LYRM9: variants seen among roughly 807,000 people sequenced by gnomAD.
LYRM9 encodes LYR motif-containing protein 9.
In LYRM9, 14 loss-of-function variants were observed where a neutral mutation model predicts 12.6. That is an observed-to-expected ratio of 1.11 (90% confidence interval 0.73 to 1.73). The LOEUF is 1.73. LYRM9 is among the 40% of genes most tolerant of loss of function. The pLI, the probability that LYRM9 is intolerant of heterozygous loss-of-function variation, is 0.00. For synonymous variants in LYRM9, 42 were observed against 35.1 expected (o/e 1.20, Z -0.69); for missense variants, 94 against 95.0 (o/e 0.99, Z 0.04).
At chr17:27,888,770 G>A (rs887366197) in intron 1 of LYRM9, among the ~76,000 whole-genome samples, 7 of 152,236 alleles carry the variant, frequency 4.6e-5, no homozygotes, top group African/African-American at 1.7e-4. Flanking sequence ...AAACACACCT[G>A]GCAGGAAGTC....
intron 1 of LYRM9, among the ~76,000 whole-genome samples, chr17:27,891,714 G>A (rs1223164703): frequency 1.3e-5 from 2 of 152,112 alleles, no homozygotes; most frequent in South Asian, 4.2e-4. Context: ...AGCAGGTTTT[G>A]GAGACAAAGA....
At chr17:27,888,950 T>C (rs1905327959) in intron 1 of LYRM9, among the ~76,000 whole-genome samples, 1 of 152,152 alleles carries the variant, frequency 6.6e-6, no homozygotes, top group South Asian at 2.1e-4. Context: ...AAATCTTCCC[T>C]CACCTCCTCC....
At chr17:27,888,777 A>T (rs1010101168) in intron 1 of LYRM9, among the ~76,000 whole-genome samples, 2 of 152,194 alleles carry the variant, frequency 1.3e-5, no homozygotes, top group South Asian at 2.1e-4. Flanking sequence ...CCTGGCAGGA[A>T]GTCACCCAGC....
At chr17:27,887,350 T>C (rs902657493) in intron 1 of LYRM9, among the ~76,000 whole-genome samples, 2 of 152,266 alleles carry the variant, frequency 1.3e-5, no homozygotes, top group Admixed American at 1.3e-4. Flanking sequence ...TAGGTATTAA[T>C]GGCCTAAAGC....
intron 1 of LYRM9, among the ~76,000 whole-genome samples, chr17:27,889,348 C>T (rs1008454102): frequency 2.6e-5 from 4 of 151,694 alleles, no homozygotes; most frequent in African/African-American, 9.7e-5. Context: ...GCTCTCGTTC[C>T]CCAGGCTGTA....
chr17:27,882,655 G>A lies in LYRM9; in HGVS notation c.40C>T (p.Leu14=). The part of the protein sequence containing the change: ...LPGAELVRRP[L]QLYRYLLRCC... Reference sequence around the variant, plus strand: ...CGCAGCAAGTATCGGTAGAGCTGCAGTGGCCTCCGAACCAGTTCTGCTCCT... The same window carrying A: ...CGCAGCAAGTATCGGTAGAGCTGCAATGGCCTCCGAACCAGTTCTGCTCCT... Residue 14 remains leucine, a synonymous_variant, in exon 2 of 4, where the codon CTG becomes TTG. Transcript: ENST00000379102. 1.9e-6 allele frequency: 3 copies of A among 1,603,996 alleles called. No individual in the cohort carries two copies. The highest frequency in any genetic ancestry group is 2.6e-6 in the Non-Finnish European group (3 of 1,175,674).
chr17:27,888,148 T>A (rs1905298458), intron 1 of LYRM9, among the ~76,000 whole-genome samples: 1 of 152,204 alleles, frequency 6.6e-6, no homozygotes, highest in African/African-American at 2.4e-5. Flanking sequence ...AGACATTCAA[T>A]TTCTATTTTG....
At chr17:27,881,447 T>C (rs1385108534) in intron 2 of LYRM9, among the ~76,000 whole-genome samples, 1 of 151,618 alleles carries the variant, frequency 6.6e-6, no homozygotes, top group Non-Finnish European at 1.5e-5. Context: ...ATTTTTTTTT[T>C]TTTTTACTTT....
chr17:27,884,447 C>T (rs1905169207), intron 1 of LYRM9, among the ~76,000 whole-genome samples: 1 of 152,354 alleles, frequency 6.6e-6, no homozygotes, highest in South Asian at 2.1e-4. Flanking sequence ...CCAAATGTGG[C>T]GCCTTTCAGT....
chr17:27,879,550 G>A (rs1904966836), intron 3 of LYRM9, 60 bp from the exon 4 acceptor site: 5 of 1,534,190 alleles, frequency 3.3e-6, no homozygotes, highest in Non-Finnish European at 4.4e-6. Flanking sequence ...GAGGACTCTG[G>A]AGAAATCTCA....
chr17:27,881,539 A>G (rs1267435242), intron 2 of LYRM9, among the ~76,000 whole-genome samples: 1 of 152,188 alleles, frequency 6.6e-6, no homozygotes, highest in Non-Finnish European at 1.5e-5. Context: ...ATAATAATAC[A>G]AAGAATTTCC....
At chr17:27,884,014 G>T (rs923375116) in intron 1 of LYRM9, among the ~76,000 whole-genome samples, 1 of 151,718 alleles carries the variant, frequency 6.6e-6, no homozygotes, top group African/African-American at 2.4e-5. Context: ...AAAATTTACC[G>T]CATACCCTTT....
In LYRM9 at chr17:27,880,261, G is replaced by A. The variant is rs761034254; in HGVS notation, c.219+13C>T. 10 of 1,595,886 alleles carry A rather than the reference G, an allele frequency of 6.3e-6. No homozygotes were observed. Among genetic ancestry groups the A allele is most frequent in the East Asian group, 2.2e-5 (1 of 44,468 alleles). ...CCCAGCTCGCAGGCAGAGCCCAGGG[G>A]CCAAGCACCTACTTTGTTCATGATC... On this transcript the variant is annotated intron_variant, in intron 3 of 3. Coordinates refer to ENST00000379102, the MANE Select transcript of LYRM9 (RefSeq NM_001076680.3).
chr17:27,879,667 TC>T lies in LYRM9; in HGVS notation c.220-178del, dbSNP rs1200636328. The T allele has an allele frequency of 9.9e-5, 59 of 597,662 alleles. No homozygotes were observed. In the Middle Eastern group the frequency reaches 1.3e-3, roughly 13 times the overall value. The allele number at this position is 597,662 out of a possible 1,614,324, so 37.0% of individuals were successfully genotyped here. ...CCAAATCTCTAGTTCATGCCTGGACTCCCTTTCTTCTTTAGTGAAAAAGGAA... is the reference window on the plus strand; with the variant it reads ...CCAAATCTCTAGTTCATGCCTGGACTCCTTTCTTCTTTAGTGAAAAAGGAA... On this transcript the variant is annotated intron_variant, in intron 3 of 3. Transcript: ENST00000379102.
At chr17:27,888,421 T>C (rs1219475184) in intron 1 of LYRM9, among the ~76,000 whole-genome samples, 3 of 152,244 alleles carry the variant, frequency 2.0e-5, no homozygotes, top group Admixed American at 1.3e-4. Context: ...GTGGTCACAG[T>C]GATTTACCAA....
rs200724643 is a variant in LYRM9, at chr17:27,882,590, A to G, written c.105T>C (p.His35=). 230 of 1,595,346 alleles carry G rather than the reference A, an allele frequency of 1.4e-4. No homozygotes were observed. In the African/African-American group the frequency reaches 3.0e-3, roughly 21 times the overall value. ...QQLPTKGIQQ[H]YKHAVRQSFR... is the part of the protein sequence containing the mutation. Reference sequence around the variant, plus strand: ...GCACCTGCCTGACAGCATGCTTGTAATGCTGCTGGATGCCCTTGGTCGGCA... The same window carrying G: ...GCACCTGCCTGACAGCATGCTTGTAGTGCTGCTGGATGCCCTTGGTCGGCA... The change falls in exon 2 of 4, where the codon CAT becomes CAC. Residue 35 remains histidine (H), a synonymous_variant. Coordinates refer to ENST00000379102, the MANE Select transcript of LYRM9 (RefSeq NM_001076680.3).
chr17:27,883,229 C>G (rs917468511), intron 1 of LYRM9: 6 of 297,836 alleles, frequency 2.0e-5, no homozygotes, highest in African/African-American at 1.3e-4. Flanking sequence ...CCCACCAGAT[C>G]AAACCTGCAT....
At chr17:27,885,244 C>T (rs188684542) in intron 1 of LYRM9, among the ~76,000 whole-genome samples, 108 of 152,308 alleles carry the variant, frequency 7.1e-4, no homozygotes, top group Non-Finnish European at 1.1e-3. Flanking sequence ...CAGAGTGCAT[C>T]GCAACACCTC....
intron 1 of LYRM9, among the ~76,000 whole-genome samples, chr17:27,891,116 C>T (rs1209120712): frequency 6.6e-6 from 1 of 152,096 alleles, no homozygotes; most frequent in Non-Finnish European, 1.5e-5. Context: ...AAGAACACTT[C>T]CTAAAAAGCA....
Sources: allele counts gnomAD v4.1 joint callset (sites outside exome capture counted in the v4.1 genomes callset), GRCh38; gene constraint gnomAD v4.1.1; transcripts MANE v1.5; gene names NCBI Gene and HGNC (gene_info 2026-07-23, HGNC 2026-07-21).